The following PREX1 variants were observed in gnomAD, a reference collection of about 807,000 sequenced individuals.
PREX1 encodes phosphatidylinositol-3,4,5-trisphosphate dependent Rac exchange factor 1.
Under a neutral mutation model 198.3 loss-of-function variants are expected in PREX1, and 41 were observed. That is an observed-to-expected ratio of 0.21 (90% CI 0.16 to 0.27). The LOEUF (loss-of-function observed/expected upper bound fraction) is 0.27, where lower values mean the gene tolerates loss of function less well. PREX1 is among the 10% of genes least tolerant of loss of function. PREX1 has a pLI of 1.00. For missense variants in PREX1, 1,620 were observed against 2,200.7 expected, an observed-to-expected ratio of 0.74 and a Z score of 5.28; for synonymous variants, 843 against 887.2, an observed-to-expected ratio of 0.95 and a Z score of 0.89.
In PREX1 at chr20:48,679,648, T is replaced by C; in HGVS notation, c.1539+3A>G. Reference sequence around the variant, plus strand: ...CAGAGTCACAGGGGCGGAGGGCCCCTACCTTGGACATGATGTCCTCCAGCT... The same window carrying C: ...CAGAGTCACAGGGGCGGAGGGCCCCCACCTTGGACATGATGTCCTCCAGCT... On this transcript the variant is annotated splice_donor_region_variant and intron_variant, in intron 12 of 39. Coordinates refer to ENST00000371941, the MANE Select transcript of PREX1 (RefSeq NM_020820.4). The C allele has an allele frequency of 6.2e-7, 1 of 1,603,680 alleles. No homozygotes were observed. The highest frequency in any genetic ancestry group is 8.5e-7 in the Non-Finnish European group (1 of 1,170,558).
At chr20:48,752,268 T>C (rs905956685) in intron 1 of PREX1, among the ~76,000 whole-genome samples, 2 of 152,234 alleles carry the variant, frequency 1.3e-5, no homozygotes, top group African/African-American at 4.8e-5. Flanking sequence ...CTCTGCCCAC[T>C]TACCAAGCTG....
intron 18 of PREX1, chr20:48,656,366 A>G (rs923504856): frequency 3.8e-5 from 16 of 420,416 alleles, no homozygotes; most frequent in African/African-American, 1.7e-4. Context: ...TTGCAGCCAC[A>G]GGACTTCGAT....
intron 1 of PREX1, among the ~76,000 whole-genome samples, chr20:48,811,628 C>CCACA (rs373223442): frequency 3.9e-5 from 5 of 127,802 alleles, no homozygotes; most frequent in Non-Finnish European, 8.2e-5. Context: ...ACACACCCCC[C>CCACA]CACACACACA....
At chr20:48,636,357 G>A (rs1568793118) in intron 32 of PREX1, 106 bp downstream of exon 32, 8 of 1,175,982 alleles carry the variant, frequency 6.8e-6, no homozygotes, top group East Asian at 2.6e-5. Context: ...CGGGAATGAC[G>A]AGGCCAGGGG....
Position 48,637,140 on chromosome 20 carries a change from C to T in PREX1, c.3947-457G>A, listed in dbSNP as rs917101858. Among the ~76,000 whole-genome samples, 3 of 152,266 alleles carry T rather than the reference C, an allele frequency of 2.0e-5. No individual in the cohort carries two copies. In the South Asian group the frequency reaches 6.2e-4, roughly 31 times the overall value. ...CTATGCTTTCTTCCTTCCCCCACCT[C>T]TGCCCTTGCCCCTGTCCTTGACCTT... On this transcript the variant is annotated intron_variant, in intron 31 of 39. Coordinates refer to ENST00000371941, the MANE Select transcript of PREX1 (RefSeq NM_020820.4).
chr20:48,868,411 A>T, the PREX1 span, among the ~76,000 whole-genome samples: 11 of 151,848 alleles, frequency 7.2e-5, no homozygotes, highest in Non-Finnish European at 1.6e-4. Flanking sequence ...TCCGCCTCCC[A>T]GGTTCAAGTG....
chr20:48,736,036 T>C (rs1357969076), intron 3 of PREX1, among the ~76,000 whole-genome samples: 1 of 152,184 alleles, frequency 6.6e-6, no homozygotes, highest in Non-Finnish European at 1.5e-5. Flanking sequence ...TCCCTAGGCC[T>C]TGGTTTCCTC....
At chr20:48,637,665 G>A (rs773523528) in intron 31 of PREX1, 46 bp downstream of exon 31, 4 of 1,546,964 alleles carry the variant, frequency 2.6e-6, no homozygotes, top group Middle Eastern at 2.1e-4. Context: ...CTTGGGTGGT[G>A]GAAGAGGCCG....
chr20:48,745,831 G>T (rs1286567712), intron 2 of PREX1, among the ~76,000 whole-genome samples: 1 of 152,160 alleles, frequency 6.6e-6, no homozygotes, highest in Non-Finnish European at 1.5e-5. Flanking sequence ...CACAGGATAT[G>T]CGGCAATTGT....
chr20:48,709,122 G>A (rs1339191734), intron 5 of PREX1, among the ~76,000 whole-genome samples: 1 of 152,146 alleles, frequency 6.6e-6, no homozygotes, highest in Non-Finnish European at 1.5e-5. Flanking sequence ...GCCAGTAAAT[G>A]TGATGGGAGA....
chr20:48,748,194 C>A (rs1343577615), intron 1 of PREX1, among the ~76,000 whole-genome samples: 1 of 152,198 alleles, frequency 6.6e-6, no homozygotes, highest in Non-Finnish European at 1.5e-5. Context: ...AAAAGATACA[C>A]ACCTGCTTCC....
At position 48,692,583 on chromosome 20, in the gene PREX1, G is replaced by GA. The variant is rs2089824946; in HGVS notation, c.1036+88dup. On this transcript the variant is annotated intron_variant, in intron 8 of 39. Coordinates refer to ENST00000371941, the MANE Select transcript of PREX1 (RefSeq NM_020820.4). ...AGGTAGATTACATCTCATGATAAAA[G>GA]AAAAAAATATATTTAAATGAAACAG... The GA allele has an allele frequency of 2.7e-6, 3 of 1,131,278 alleles. 1 individual carries two copies. The highest frequency in any genetic ancestry group is 2.8e-5 in the South Asian group (2 of 71,706). 70.1% of individuals were successfully genotyped at this position (1,131,278 alleles called of 1,614,324 possible).
the PREX1 span, among the ~76,000 whole-genome samples, chr20:48,870,291 TACAA>T: frequency 6.6e-6 from 1 of 152,284 alleles, no homozygotes; most frequent in East Asian, 1.9e-4. Flanking sequence ...TAATGTGCGA[TACAA>T]ACAAACATGC....
chr20:48,672,789 ACCCCGC>A (rs1335055689), intron 14 of PREX1, among the ~76,000 whole-genome samples: 2 of 151,240 alleles, frequency 1.3e-5, no homozygotes, highest in African/African-American at 4.9e-5. Flanking sequence ...AAACTGCACC[ACCCCGC>A]CCATGTGAGG....
At chr20:48,764,549 G>A (rs894383801) in intron 1 of PREX1, among the ~76,000 whole-genome samples, 8 of 152,072 alleles carry the variant, frequency 5.3e-5, no homozygotes, top group East Asian at 1.9e-4. Flanking sequence ...TTGGGAGGCC[G>A]AGGTGGGTGG....
At chr20:48,747,921 C>G in intron 1 of PREX1, 41 bp from the exon 2 acceptor site, 1 of 1,560,438 alleles carries the variant, frequency 6.4e-7, no homozygotes, top group South Asian at 1.1e-5. Flanking sequence ...TCCGCGTCTC[C>G]AGCTCTCCCA....
the PREX1 span, among the ~76,000 whole-genome samples, chr20:48,844,565 C>T: frequency 6.6e-6 from 1 of 152,150 alleles, no homozygotes; most frequent in South Asian, 2.1e-4. Context: ...GGTCTTCTTC[C>T]CTCTCAAAAC....
intron 1 of PREX1, among the ~76,000 whole-genome samples, chr20:48,825,494 CT>C (rs1161919150): frequency 2.6e-5 from 4 of 151,406 alleles, no homozygotes; most frequent in South Asian, 2.1e-4. Context: ...GTAGAGAAAT[CT>C]TTTTTTTTCC....
intron 1 of PREX1, among the ~76,000 whole-genome samples, chr20:48,749,291 G>A (rs1425685309): frequency 6.6e-6 from 1 of 152,210 alleles, no homozygotes; most frequent in Non-Finnish European, 1.5e-5. Flanking sequence ...ACGGGGAGCT[G>A]TGGGGCCTAT....
Sources: gnomAD v4.1 joint callset for allele counts (sites outside exome capture counted in the v4.1 genomes callset) on GRCh38, gnomAD v4.1.1 for gene constraint, MANE v1.5 for transcripts, NCBI Gene and HGNC (gene_info 2026-07-23, HGNC 2026-07-21) for gene names.